PHLPP1: variants seen among roughly 807,000 people sequenced by gnomAD.
The protein encoded by PHLPP1 is PH domain and leucine rich repeat protein phosphatase 1.
In PHLPP1, 42 loss-of-function variants were observed where a neutral mutation model predicts 117.2. That is an observed-to-expected ratio of 0.36 (90% CI 0.28 to 0.46). The LOEUF (loss-of-function observed/expected upper bound fraction) is 0.46. Among genes scored for constraint, PHLPP1 ranks in the 20% least tolerant of loss-of-function variants. The pLI, the probability that PHLPP1 is intolerant of heterozygous loss-of-function variation, is 1.00. For missense variants in PHLPP1, 2,084 were observed against 2,241.9 expected (o/e 0.93, Z 1.42); for synonymous variants, 1,042 against 970.7 (o/e 1.07, Z -1.37).
At chr18:62,809,723 T>C (rs1349478771) in intron 1 of PHLPP1, among the ~76,000 whole-genome samples, 1 of 152,024 alleles carries the variant, frequency 6.6e-6, no homozygotes, top group Non-Finnish European at 1.5e-5. Context: ...GTCATTGGCA[T>C]TTCTCAGTAT....
intron 1 of PHLPP1, among the ~76,000 whole-genome samples, chr18:62,815,184 G>A (rs889313519): frequency 6.9e-6 from 1 of 145,748 alleles, no homozygotes; most frequent in Non-Finnish European, 1.5e-5. Flanking sequence ...TTTTGACAGA[G>A]TCTTGCTCTG....
In PHLPP1 at chr18:62,716,042, T is replaced by G; in HGVS notation, c.359T>G (p.Leu120Arg). 1 of 1,452,816 alleles carries G rather than the reference T, an allele frequency of 6.9e-7. No homozygotes were observed. Among genetic ancestry groups the G allele is most frequent in the Non-Finnish European group, 9.0e-7 (1 of 1,111,662 alleles). 90.0% of individuals were successfully genotyped at this position (1,452,816 alleles called of 1,614,324 possible). A position where few individuals can be genotyped will look rare whatever the true frequency, so the allele number is the denominator to read the frequency against. ...GCCGGCGGCGGCGCCAACTCCCTCC[T>G]GCTGAGGAGAGGGCGGCTGAAGAGG... ...PGAGGGANSL[L>R]LRRGRLKRNL... Residue 120 changes from leucine (L) to arginine (R), a missense_variant, in exon 1 of 17, where the codon CTG (leucine) becomes CGG (arginine). Leu to Arg is a moderately radical substitution (Grantham distance 102, BLOSUM62 -2). Around this residue, in one of 2 missense-constraint regions of PHLPP1, gnomAD observed 719 missense variants for 636.0 expected, o/e 1.13. Transcript: ENST00000262719. The surrounding 1 kb of genome is among the most constrained non-coding windows in gnomAD (Gnocchi z 5.7).
chr18:62,742,087 G>A (rs977700514), intron 1 of PHLPP1, among the ~76,000 whole-genome samples: 2 of 152,074 alleles, frequency 1.3e-5, no homozygotes, highest in South Asian at 2.1e-4. Context: ...TTAAGATAAT[G>A]GGAAACCATT....
At chr18:62,760,332 T>G (rs781367953) in intron 1 of PHLPP1, among the ~76,000 whole-genome samples, 8 of 152,206 alleles carry the variant, frequency 5.3e-5, no homozygotes, top group Non-Finnish European at 1.2e-4. Flanking sequence ...CATTTTATAT[T>G]ACTTGCCTTG....
At chr18:62,862,586 A>C (rs988496402) in intron 4 of PHLPP1, among the ~76,000 whole-genome samples, 1 of 152,180 alleles carries the variant, frequency 6.6e-6, no homozygotes, top group Admixed American at 6.5e-5. Flanking sequence ...AAGTATGAAT[A>C]ATAATAGTTT....
chr18:62,727,939 G>C (rs1346407127), intron 1 of PHLPP1, among the ~76,000 whole-genome samples: 1 of 151,996 alleles, frequency 6.6e-6, no homozygotes, highest in Non-Finnish European at 1.5e-5. Context: ...GGGGAGGGGG[G>C]CTGGAATATA....
chr18:62,838,899 A>G lies in PHLPP1; in HGVS notation c.1889A>G (p.Gln630Arg), dbSNP rs1914982235. 2 of 1,613,756 alleles carry G rather than the reference A, an allele frequency of 1.2e-6. No homozygotes were observed. Among genetic ancestry groups the G allele is most frequent in the African/African-American group, 1.3e-5 (1 of 74,926 alleles). ...TFTEYLRWLR[Q>R]VSKVASQRIS... The stretch of plus-strand genomic sequence containing the variant: ...ACAGAATACTTAAGGTGGCTGCGAC[A>G]AGTCTCCAAGGTAAGCAAGCACTTA... The change falls in exon 3 of 17, where the codon CAA (glutamine) becomes CGA (arginine). Residue 630 changes from glutamine (Q) to arginine (R), a missense_variant. Around this residue, in one of 2 missense-constraint regions of PHLPP1, gnomAD observed 1,365 missense variants for 1,605.9 expected, o/e 0.85. Coordinates refer to ENST00000262719, the MANE Select transcript of PHLPP1 (RefSeq NM_194449.4).
intron 1 of PHLPP1, among the ~76,000 whole-genome samples, chr18:62,774,668 T>C (rs1912895665): frequency 6.6e-6 from 1 of 152,236 alleles, no homozygotes; most frequent in African/African-American, 2.4e-5. Context: ...AGGTAACAAT[T>C]TCATCTGTGT....
intron 4 of PHLPP1, among the ~76,000 whole-genome samples, chr18:62,892,903 T>A (rs999753916): frequency 6.6e-6 from 1 of 150,454 alleles, no homozygotes; most frequent in Non-Finnish European, 1.5e-5. Flanking sequence ...AGTTTGACCA[T>A]GTGGATCTTC....
rs544839086 is a variant in PHLPP1 at position 62,933,147 on chromosome 18, G to A, written c.2961-8571G>A. On this transcript the variant is annotated intron_variant, in intron 10 of 16. Coordinates refer to ENST00000262719, the MANE Select transcript of PHLPP1 (RefSeq NM_194449.4). ...ACAAGTGGAAAAACATTCCATGCTCGTGGATTGGAAGAATCAGTATCATTT... is the reference window on the plus strand; with the variant it reads ...ACAAGTGGAAAAACATTCCATGCTCATGGATTGGAAGAATCAGTATCATTT... Among the ~76,000 whole-genome samples the A allele has an allele frequency of 7.9e-5, 12 of 152,216 alleles. No individual in the cohort carries two copies. The South Asian group carries it at 1.5e-3, about 18-fold the overall frequency.
chr18:62,783,229 C>CTT (rs71340114), intron 1 of PHLPP1, among the ~76,000 whole-genome samples: 114 of 106,430 alleles, frequency 1.1e-3, no homozygotes, highest in Non-Finnish European at 1.8e-3. Context: ...TTTTTTTTTT[C>CTT]TTTTTTTTTT....
intron 1 of PHLPP1, among the ~76,000 whole-genome samples, chr18:62,764,472 G>A (rs1465170699): frequency 1.3e-5 from 2 of 151,772 alleles, no homozygotes; most frequent in Admixed American, 6.6e-5. Context: ...CACACTTAAC[G>A]TTCATCTTGG....
chr18:62,965,922 G>A (rs1910890570), intron 14 of PHLPP1, among the ~76,000 whole-genome samples: 1 of 151,486 alleles, frequency 6.6e-6, no homozygotes, highest in South Asian at 2.1e-4. Context: ...TTAGCAAGGG[G>A]AGCCTACAGA....
intron 4 of PHLPP1, 92 bp from the exon 5 acceptor site, chr18:62,894,919 G>C (rs1175940368): frequency 1.8e-6 from 2 of 1,092,720 alleles, no homozygotes; most frequent in Non-Finnish European, 2.6e-6. Flanking sequence ...GAATTTGGGA[G>C]TTGGGCTAGA....
chr18:62,945,208 C>T lies in PHLPP1; in HGVS notation c.3261C>T (p.Thr1087=), dbSNP rs373060800. The T allele has an allele frequency of 2.4e-5, 39 of 1,612,710 alleles. No individual in the cohort carries two copies. The highest frequency in any genetic ancestry group is 2.0e-4 in the Admixed American group (12 of 59,808). ...TTIMNCRRMH[T]VIAHSNCIEV... ...TCATGAATTGCAGGCGCATGCACACCGTGATTGCTCACTCCAACTGCATCG... is the reference window on the plus strand; with the variant it reads ...TCATGAATTGCAGGCGCATGCACACTGTGATTGCTCACTCCAACTGCATCG... The change falls in exon 12 of 17, where the codon ACC becomes ACT. Residue 1087 remains threonine, a synonymous_variant. Coordinates refer to ENST00000262719, the MANE Select transcript of PHLPP1 (RefSeq NM_194449.4).
chr18:62,766,104 A>ATATATATATATATATATATATAT lies in PHLPP1; in HGVS notation c.1576+48845_1576+48846insTATATATATATATATATATATAT, dbSNP rs1289379653. Among the ~76,000 whole-genome samples, 12 of 40,962 alleles carry ATATATATATATATATATATATAT rather than the reference A, an allele frequency of 2.9e-4. 1 individual carries two copies. The highest frequency in any genetic ancestry group is 2.8e-4 in the Admixed American group (1 of 3,570). 26.9% of individuals were successfully genotyped at this position (40,962 alleles called of 152,430 possible). ...ATATATATATATATATATATATATA[A>ATATATATATATATATATATATAT]AATATATATATATTTGTACAGAAAA... On this transcript the variant is annotated intron_variant, in intron 1 of 16. Coordinates refer to ENST00000262719, the MANE Select transcript of PHLPP1 (RefSeq NM_194449.4).
At chr18:62,874,844 T>C (rs1916008253) in intron 4 of PHLPP1, among the ~76,000 whole-genome samples, 1 of 152,178 alleles carries the variant, frequency 6.6e-6, no homozygotes, top group Admixed American at 6.5e-5. Flanking sequence ...CAGACAGCGA[T>C]CCTCACCAGG....
chr18:62,774,841 A>AAAAAT (rs1491331286), intron 1 of PHLPP1, among the ~76,000 whole-genome samples: 1 of 151,916 alleles, frequency 6.6e-6, no homozygotes, highest in African/African-American at 2.4e-5. Context: ...GGGAACAAAC[A>AAAAAT]AAAATACCTC....
At chr18:62,965,553 G>A (rs1411803089) in intron 14 of PHLPP1, among the ~76,000 whole-genome samples, 1 of 138,004 alleles carries the variant, frequency 7.2e-6, no homozygotes, top group African/African-American at 2.8e-5. Flanking sequence ...TCTGCCTCCC[G>A]GGTTCAAGTG....
Sources: allele counts gnomAD v4.1 joint callset (sites outside exome capture counted in the v4.1 genomes callset), GRCh38; gene constraint gnomAD v4.1.1; regional missense constraint gnomAD v4.1.1; non-coding constraint Gnocchi (gnomAD v3.1); transcripts MANE v1.5; gene names NCBI Gene and HGNC (gene_info 2026-07-23, HGNC 2026-07-21).